Variants in LIFR observed in about 807,000 individuals in gnomAD.
LIFR encodes LIF receptor subunit alpha.
In LIFR, 84 loss-of-function variants were observed where a neutral mutation model predicts 122.2. The ratio of observed to expected loss-of-function variants is 0.69; its 90% CI spans 0.58 to 0.82. The LOEUF is 0.82. Ranked by LOEUF, LIFR falls within the 40% of genes least tolerant of loss-of-function variation. LIFR has a pLI of 0.00. For synonymous variants in LIFR, 422 were observed against 434.7 expected, an observed-to-expected ratio of 0.97 and a Z score of 0.36; for missense variants, 1,294 against 1,311.6, an observed-to-expected ratio of 0.99 and a Z score of 0.21.
rs1394923495 is a variant in LIFR, at chr5:38,476,299, A to C, written c.*5296T>G. ...GTTAACTTTTCCACGTTATAAATGA[A>C]AATTGTACTACCACCTAGAGATATT... On this transcript the variant is annotated 3_prime_UTR_variant, in exon 20 of 20. Transcript: ENST00000453190. The C allele has an allele frequency of 4.8e-6, 1 of 207,608 alleles. No homozygotes were observed. Among genetic ancestry groups the C allele is most frequent in the East Asian group, 7.3e-5 (1 of 13,634 alleles). The allele number at this position is 207,608 out of a possible 1,614,324, so 12.9% of individuals were successfully genotyped here. A position where few individuals can be genotyped will look rare whatever the true frequency, so the allele number is the denominator to read the frequency against.
chr5:38,530,036 A>C (rs1257610399), intron 2 of LIFR, among the ~76,000 whole-genome samples: 2 of 152,214 alleles, frequency 1.3e-5, no homozygotes, highest in Non-Finnish European at 2.9e-5. Flanking sequence ...GTAACATAAT[A>C]CATTTAAAAA....
chr5:38,567,733 TG>T (rs1447026823), intron 1 of LIFR, among the ~76,000 whole-genome samples: 1 of 152,180 alleles, frequency 6.6e-6, no homozygotes, highest in East Asian at 1.9e-4. Flanking sequence ...TTTGCCATGT[TG>T]GCCAGGCTGG....
In LIFR at chr5:38,503,870, T is replaced by C; in HGVS notation, c.1437+106A>G. On this transcript the variant is annotated intron_variant, in intron 10 of 19. Transcript: ENST00000453190. Reference sequence around the variant, plus strand: ...TGTCTTTCTTGGTTCTTAGTAAATCTCTATAATAAATAATCTGAGAGCTTA... The same window carrying C: ...TGTCTTTCTTGGTTCTTAGTAAATCCCTATAATAAATAATCTGAGAGCTTA... 3.7e-6 allele frequency: 3 copies of C among 816,234 alleles called. No individual in the cohort carries two copies. In the Admixed American group the frequency reaches 6.5e-5, roughly 18 times the overall value. 50.6% of individuals were successfully genotyped at this position (816,234 alleles called of 1,614,324 possible).
At position 38,506,002 on chromosome 5, in the gene LIFR, T is replaced by C. The variant is rs1192463698; in HGVS notation, c.1194A>G (p.Gln398=). The C allele has an allele frequency of 3.1e-6, 5 of 1,608,090 alleles. No individual in the cohort carries two copies. Among genetic ancestry groups the C allele is most frequent in the Non-Finnish European group, 4.3e-6 (5 of 1,175,672 alleles). The change falls in exon 9 of 20, where the codon CAA becomes CAG. Residue 398 remains glutamine, a synonymous_variant. Transcript: ENST00000453190. ...PTNESYQLLF[Q]MLPNQEIYNF... ...TATATATTTCTTGATTTGGAAGCATTTGAAATAATAATTGATAGCTTTCGT... is the reference window on the plus strand; with the variant it reads ...TATATATTTCTTGATTTGGAAGCATCTGAAATAATAATTGATAGCTTTCGT...
chr5:38,521,647 C>T (rs909663032), intron 5 of LIFR, among the ~76,000 whole-genome samples: 4 of 152,246 alleles, frequency 2.6e-5, no homozygotes, highest in South Asian at 2.1e-4. Flanking sequence ...GGGCTGGGTA[C>T]GTTCTCAGGC....
chr5:38,598,747 C>T (rs927658513), upstream of LIFR, among the ~76,000 whole-genome samples: 5 of 152,170 alleles, frequency 3.3e-5, no homozygotes, highest in Non-Finnish European at 5.9e-5. Context: ...TTCTGCACTT[C>T]CCCTAGCATA....
chr5:38,503,407 A>C (rs909876231), intron 10 of LIFR, among the ~76,000 whole-genome samples: 1 of 152,188 alleles, frequency 6.6e-6, no homozygotes, highest in Non-Finnish European at 1.5e-5. Context: ...GAGCTCCCCA[A>C]AACATTACAA....
intron 1 of LIFR, among the ~76,000 whole-genome samples, chr5:38,542,467 G>A (rs1371256771): frequency 6.6e-6 from 1 of 151,946 alleles, no homozygotes; most frequent in Non-Finnish European, 1.5e-5. Context: ...GCCTAGTTGG[G>A]GCCTCTTTCC....
intron 15 of LIFR, 41 bp downstream of exon 15, chr5:38,490,149 G>T: frequency 1.2e-6 from 1 of 820,760 alleles, no homozygotes; most frequent in Non-Finnish European, 2.0e-6. Flanking sequence ...AATTTCTCAT[G>T]TTGCCTTGAG....
chr5:38,585,868 G>T (rs560950165), intron 1 of LIFR, among the ~76,000 whole-genome samples: 1 of 152,014 alleles, frequency 6.6e-6, no homozygotes, highest in South Asian at 2.1e-4. Context: ...TATAGACTTG[G>T]AAGTTGCCAG....
rs761994189 is a variant in LIFR at position 38,504,115 on chromosome 5, G to A, written c.1298C>T (p.Pro433Leu). The A allele has an allele frequency of 3.0e-5, 47 of 1,550,330 alleles. No homozygotes were observed. Among genetic ancestry groups the A allele is most frequent in the South Asian group, 1.0e-4 (9 of 89,218 alleles). ...ILVNITEKVY[P>L]HTPTSFKVKD... ...CACTTTGAATGAAGTAGGAGTATGG[G>A]GATAAACTGCAAATATAATTTTTAA... Residue 433 changes from proline to leucine, a missense_variant, in exon 10 of 20, where the codon CCC (proline) becomes CTC (leucine). Physicochemically the swap from Pro to Leu is moderately conservative, Grantham distance 98 (BLOSUM62 -3). Coordinates refer to ENST00000453190, the MANE Select transcript of LIFR (RefSeq NM_001127671.2).
chr5:38,496,716 C>CA (rs1744900621), intron 12 of LIFR, 121 bp from the exon 13 acceptor site: 1 of 752,328 alleles, frequency 1.3e-6, no homozygotes. Context: ...CGTGGTGACT[C>CA]ACGCTTATAA....
In LIFR at chr5:38,569,791, C is replaced by A. The variant is rs191052159; in HGVS notation, c.-20+25470G>T. ...CCACTCTATCTATTAAAATCCTATT[C>A]TTCAAGGCTATATCAAATTCTACCT... On this transcript the variant is annotated intron_variant, in intron 1 of 19. Coordinates refer to the LIFR transcript ENST00000263409. Among the ~76,000 whole-genome samples, 311 of 152,324 alleles carry A rather than the reference C, an allele frequency of 2.0e-3. 2 individuals carry two copies. Among genetic ancestry groups the A allele is most frequent in the Non-Finnish European group, 1.5e-3 (104 of 68,032 alleles).
chr5:38,532,074 A>G (rs1180344788), intron 1 of LIFR, among the ~76,000 whole-genome samples: 1 of 152,236 alleles, frequency 6.6e-6, no homozygotes, highest in East Asian at 1.9e-4. Flanking sequence ...TGAGTAATGG[A>G]GCCAAACATG....
Position 38,479,538 on chromosome 5 carries a change from T to C in LIFR, c.*2057A>G, listed in dbSNP as rs1579987980. 8.6e-6 allele frequency: 2 copies of C among 231,592 alleles called. No homozygotes were observed. Among genetic ancestry groups the C allele is most frequent in the Non-Finnish European group, 8.5e-6 (1 of 116,970 alleles). The allele number at this position is 231,592 out of a possible 1,614,324, so 14.3% of individuals were successfully genotyped here. On this transcript the variant is annotated 3_prime_UTR_variant, in exon 20 of 20. Coordinates refer to ENST00000453190, the MANE Select transcript of LIFR (RefSeq NM_001127671.2). ...ATTGACAGACAGAGATCAAACAATC[T>C]CTTCTGGCCTTTTCTCATTATCTCA...
chr5:38,592,706 T>C (rs1367025192), intron 1 of LIFR, among the ~76,000 whole-genome samples: 1 of 152,010 alleles, frequency 6.6e-6, no homozygotes, highest in African/African-American at 2.4e-5. Flanking sequence ...ATGTGCACAT[T>C]TTTTCTATTT....
At chr5:38,531,630 A>G (rs1188167165) in intron 1 of LIFR, among the ~76,000 whole-genome samples, 1 of 152,118 alleles carries the variant, frequency 6.6e-6, no homozygotes, top group South Asian at 2.1e-4. Flanking sequence ...CTGATATTAA[A>G]ATTAAAATAA....
chr5:38,476,198 TTGTATGAAA>T lies in LIFR; in HGVS notation c.*5388_*5396del. 1 of 206,640 alleles carries T rather than the reference TTGTATGAAA, an allele frequency of 4.8e-6. No homozygotes were observed. 12.8% of individuals were successfully genotyped at this position (206,640 alleles called of 1,614,324 possible). A position where few individuals can be genotyped will look rare whatever the true frequency, so the allele number is the denominator to read the frequency against. On this transcript the variant is annotated 3_prime_UTR_variant, in exon 20 of 20. Transcript: ENST00000453190. ...CTGGGAGAAGAATGTTTTACAAAAATTGTATGAAAACCATTATTCAGTGTTCTTTTCTAT... is the reference window on the plus strand; with the variant it reads ...CTGGGAGAAGAATGTTTTACAAAAATACCATTATTCAGTGTTCTTTTCTAT...
intron 12 of LIFR, among the ~76,000 whole-genome samples, chr5:38,497,707 A>T (rs566217779): frequency 6.6e-6 from 1 of 152,130 alleles, no homozygotes; most frequent in Non-Finnish European, 1.5e-5. Flanking sequence ...TTCTAGGTAT[A>T]GATTTTTTTA....
Sources: allele counts gnomAD v4.1 joint callset (sites outside exome capture counted in the v4.1 genomes callset), GRCh38; gene constraint gnomAD v4.1.1; transcripts MANE v1.5; gene names NCBI Gene and HGNC (gene_info 2026-07-23, HGNC 2026-07-21).